The following GRIK2 variants were observed in gnomAD, a reference collection of about 807,000 sequenced individuals.
GRIK2 encodes the protein glutamate ionotropic receptor kainate type subunit 2.
GRIK2 carries 32 observed loss-of-function variants against 100.3 expected under a neutral mutation model. The observed-to-expected ratio is 0.32, with a 90% confidence interval of 0.24 to 0.43. The LOEUF (loss-of-function observed/expected upper bound fraction) is 0.43. Ranked by LOEUF, GRIK2 falls within the 20% of genes least tolerant of loss-of-function variation. GRIK2 has a pLI of 1.00. For missense variants in GRIK2, 843 were observed against 1,114.9 expected, an observed-to-expected ratio of 0.76 and a Z score of 3.47; for synonymous variants, 417 against 389.4, an observed-to-expected ratio of 1.07 and a Z score of -0.83.
chr6:101,972,151 A>G (rs369270960), intron 14 of GRIK2, among the ~76,000 whole-genome samples: 1 of 151,876 alleles, frequency 6.6e-6, no homozygotes, highest in African/African-American at 2.4e-5. Flanking sequence ...CTCTGTTTTT[A>G]AGTTTTTTGA....
At position 101,438,453 on chromosome 6, in the gene GRIK2, A is replaced by G. The variant is rs17061958; in HGVS notation, c.115+39061A>G. 8.1e-3 allele frequency among the ~76,000 whole-genome samples: 1,233 copies of G among 152,250 alleles called. 28 individuals carry two copies. Among genetic ancestry groups the G allele is most frequent in the East Asian group, 0.08 (413 of 5,176 alleles). ...TGAGAGATTTATAATTCTAAAAGAT[A>G]ATGCCTCCTGTAAATAGCTCCACTA... is the stretch of plus-strand genomic sequence containing the variant. On this transcript the variant is annotated intron_variant, in intron 2 of 16. Coordinates refer to ENST00000369134, the MANE Select transcript of GRIK2 (RefSeq NM_021956.5).
chr6:102,036,111 A>G (rs1346568169), intron 15 of GRIK2, among the ~76,000 whole-genome samples: 1 of 151,244 alleles, frequency 6.6e-6, no homozygotes, highest in Admixed American at 6.6e-5. Context: ...ATGGCAAATC[A>G]TTTTTAGTCA....
At chr6:101,444,065 GTT>G (rs139097289) in intron 2 of GRIK2, among the ~76,000 whole-genome samples, 1 of 143,402 alleles carries the variant, frequency 7.0e-6, no homozygotes, top group African/African-American at 2.6e-5. Flanking sequence ...GATTTTCCGG[GTT>G]TTTTTGTTTG....
chr6:101,979,950 C>T (rs1019595363), intron 14 of GRIK2, among the ~76,000 whole-genome samples: 2 of 151,906 alleles, frequency 1.3e-5, no homozygotes, highest in East Asian at 2.0e-4. Flanking sequence ...AAAGCTGTGG[C>T]GATTTCTGTG....
intron 10 of GRIK2, among the ~76,000 whole-genome samples, chr6:101,829,547 C>T (rs761816745): frequency 1.7e-4 from 26 of 151,622 alleles, no homozygotes; most frequent in Non-Finnish European, 3.4e-4. Flanking sequence ...TCAGCAAAGT[C>T]TCAGAATACA....
At chr6:101,720,919 C>G (rs1340184269) in intron 7 of GRIK2, among the ~76,000 whole-genome samples, 1 of 151,876 alleles carries the variant, frequency 6.6e-6, no homozygotes. Context: ...GCCAGATATG[C>G]ATTATTTTGA....
At chr6:101,503,029 A>G (rs971909200) in intron 2 of GRIK2, among the ~76,000 whole-genome samples, 1 of 152,146 alleles carries the variant, frequency 6.6e-6, no homozygotes, top group African/African-American at 2.4e-5. Flanking sequence ...TATGTGCTGT[A>G]GGTGATGAGA....
chr6:101,455,786 A>G (rs1385664631), intron 2 of GRIK2, among the ~76,000 whole-genome samples: 1 of 152,132 alleles, frequency 6.6e-6, no homozygotes, highest in East Asian at 1.9e-4. Flanking sequence ...TTTAGTAATC[A>G]GGTTTAGTAG....
chr6:101,637,331 A>C (rs1167405039), intron 4 of GRIK2, among the ~76,000 whole-genome samples: 1 of 152,138 alleles, frequency 6.6e-6, no homozygotes, highest in African/African-American at 2.4e-5. Flanking sequence ...AGGTACATCT[A>C]ACGCAACATA....
At chr6:101,558,669 C>CT (rs371713680) in intron 2 of GRIK2, among the ~76,000 whole-genome samples, 22,699 of 143,320 alleles carry the variant, frequency 0.16, 2,149 homozygotes, top group South Asian at 0.31. Context: ...CCCTTTGCTT[C>CT]TTTTTTTTTT....
chr6:102,026,301 T>TATCACAATA (rs1262193573), intron 14 of GRIK2, among the ~76,000 whole-genome samples: 1 of 150,616 alleles, frequency 6.6e-6, no homozygotes, highest in Non-Finnish European at 1.5e-5. Flanking sequence ...AGATGAGTTT[T>TATCACAATA]CTCATTTATT....
At chr6:101,962,855 AT>A (rs1792388618) in intron 14 of GRIK2, among the ~76,000 whole-genome samples, 3 of 151,918 alleles carry the variant, frequency 2.0e-5, no homozygotes, top group African/African-American at 7.2e-5. Flanking sequence ...ACTATTCCTT[AT>A]TTCTGTATAG....
At chr6:102,009,834 A>G (rs1350868703) in intron 14 of GRIK2, among the ~76,000 whole-genome samples, 1 of 152,146 alleles carries the variant, frequency 6.6e-6, no homozygotes, top group South Asian at 2.1e-4. Flanking sequence ...GATGCATGGT[A>G]AATTGAGTGT....
chr6:101,851,552 A>T (rs189294950), intron 10 of GRIK2, among the ~76,000 whole-genome samples: 1 of 152,174 alleles, frequency 6.6e-6, no homozygotes, highest in East Asian at 1.9e-4. Context: ...TTGCTACCTA[A>T]ATCTGATTAG....
chr6:101,961,975 A>C (rs1263236891), intron 14 of GRIK2, among the ~76,000 whole-genome samples: 2 of 152,142 alleles, frequency 1.3e-5, no homozygotes, highest in South Asian at 2.1e-4. Flanking sequence ...GTAAAACTGC[A>C]TGAGCTAGCA....
chr6:101,823,136 A>G (rs1420000343), intron 10 of GRIK2, among the ~76,000 whole-genome samples: 2 of 152,012 alleles, frequency 1.3e-5, no homozygotes, highest in East Asian at 1.9e-4. Context: ...TTTAGTACTT[A>G]GTTTTCTTTT....
chr6:101,673,206 A>C (rs1770570829), intron 4 of GRIK2, among the ~76,000 whole-genome samples: 2 of 152,232 alleles, frequency 1.3e-5, no homozygotes, highest in Admixed American at 6.5e-5. Context: ...AAAGACATGA[A>C]AAGACACTTC....
At chr6:101,961,381 G>A (rs190275833) in intron 14 of GRIK2, among the ~76,000 whole-genome samples, 6 of 152,136 alleles carry the variant, frequency 3.9e-5, no homozygotes, top group Non-Finnish European at 5.9e-5. Flanking sequence ...TGGGCTAATG[G>A]ACATACCAGG....
chr6:101,551,676 C>T (rs1582698242), intron 2 of GRIK2, among the ~76,000 whole-genome samples: 1 of 152,184 alleles, frequency 6.6e-6, no homozygotes, highest in African/African-American at 2.4e-5. Flanking sequence ...AGCCTCTGCC[C>T]CTATAAGACT....
Sources: allele counts gnomAD v4.1 joint callset (sites outside exome capture counted in the v4.1 genomes callset), GRCh38; gene constraint gnomAD v4.1.1; transcripts MANE v1.5; gene names NCBI Gene and HGNC (gene_info 2026-07-23, HGNC 2026-07-21).